The following FBXO40 variants were observed in gnomAD, a reference collection of about 807,000 sequenced individuals.
The protein encoded by FBXO40 is F-box protein 40, also known as F-box only protein 40.
In FBXO40, 50 loss-of-function variants were observed where a neutral mutation model predicts 49.9. That is an observed-to-expected ratio of 1.00 (90% CI 0.80 to 1.27). The LOEUF is 1.27. Ranked by LOEUF, FBXO40 falls within the 50% of genes most tolerant of loss-of-function variation. The pLI is 0.00. For missense variants in FBXO40, 895 were observed against 870.1 expected, an observed-to-expected ratio of 1.03 and a Z score of -0.36; for synonymous variants, 340 against 320.2, an observed-to-expected ratio of 1.06 and a Z score of -0.66.
intron 1 of FBXO40, among the ~76,000 whole-genome samples, chr3:121,606,282 T>A (rs1029144490): frequency 1.3e-5 from 2 of 152,228 alleles, no homozygotes; most frequent in African/African-American, 4.8e-5. Flanking sequence ...GACCTTCTAC[T>A]GGCTCACAAC....
At chr3:121,610,794 C>A (rs1054707110) in intron 1 of FBXO40, among the ~76,000 whole-genome samples, 5 of 152,182 alleles carry the variant, frequency 3.3e-5, no homozygotes, top group African/African-American at 1.2e-4. Flanking sequence ...GCACATGCCA[C>A]CACATACGGC....
intron 1 of FBXO40, among the ~76,000 whole-genome samples, chr3:121,618,678 G>C (rs1337261735): frequency 6.6e-6 from 1 of 151,810 alleles, no homozygotes; most frequent in African/African-American, 2.4e-5. Context: ...TTATAGGCTT[G>C]AGCCACCGCG....
chr3:121,616,047 C>T (rs1400765945), intron 1 of FBXO40, among the ~76,000 whole-genome samples: 1 of 152,122 alleles, frequency 6.6e-6, no homozygotes, highest in Non-Finnish European at 1.5e-5. Flanking sequence ...ATTTGGGGGT[C>T]GATACAAACA....
intron 1 of FBXO40, among the ~76,000 whole-genome samples, chr3:121,613,170 G>A (rs1209463113): frequency 1.6e-4 from 24 of 152,034 alleles, no homozygotes; most frequent in Admixed American, 9.8e-4. Context: ...TTCAGGATAG[G>A]TACTGCGTTC....
At chr3:121,615,720 A>C (rs868756408) in intron 1 of FBXO40, among the ~76,000 whole-genome samples, 1 of 152,222 alleles carries the variant, frequency 6.6e-6, no homozygotes, top group Non-Finnish European at 1.5e-5. Context: ...GCTCATTAAC[A>C]TTATCTTTAA....
chr3:121,601,793 C>G (rs988743342), intron 1 of FBXO40, among the ~76,000 whole-genome samples: 1 of 152,236 alleles, frequency 6.6e-6, no homozygotes, highest in African/African-American at 2.4e-5. Context: ...TTTTCCCCTT[C>G]TTTCCCACCT....
intron 1 of FBXO40, among the ~76,000 whole-genome samples, chr3:121,612,253 G>A (rs1231090648): frequency 1.3e-5 from 2 of 152,148 alleles, no homozygotes; most frequent in Non-Finnish European, 2.9e-5. Context: ...AGCTCCTGAA[G>A]ACAGCAAAGA....
chr3:121,603,013 A>G (rs1414404895), intron 1 of FBXO40, among the ~76,000 whole-genome samples: 2 of 152,240 alleles, frequency 1.3e-5, no homozygotes, highest in Non-Finnish European at 2.9e-5. Flanking sequence ...AGCCAAGATC[A>G]AGATGCCAGC....
intron 1 of FBXO40, among the ~76,000 whole-genome samples, chr3:121,604,978 T>A (rs557640191): frequency 2.4e-4 from 36 of 147,796 alleles, no homozygotes; most frequent in Admixed American, 5.4e-4. Context: ...TTATTTATTA[T>A]TTATTTATTT....
At chr3:121,620,824 G>T (rs1158835351) in intron 2 of FBXO40, among the ~76,000 whole-genome samples, 2 of 152,198 alleles carry the variant, frequency 1.3e-5, no homozygotes, top group Non-Finnish European at 2.9e-5. Flanking sequence ...CAAAAAGCCA[G>T]CAATAATCTA....
intron 1 of FBXO40, among the ~76,000 whole-genome samples, chr3:121,608,073 G>A (rs778498233): frequency 2.0e-5 from 3 of 152,126 alleles, no homozygotes; most frequent in Non-Finnish European, 2.9e-5. Context: ...CTATGTCTGG[G>A]GCTGTGGGCA....
chr3:121,597,018 T>C (rs2048876001), intron 1 of FBXO40, among the ~76,000 whole-genome samples: 1 of 152,166 alleles, frequency 6.6e-6, no homozygotes, highest in Non-Finnish European at 1.5e-5. Flanking sequence ...TCTGTTGATA[T>C]TCCGGTCAGA....
chr3:121,618,697 G>T (rs1369909166), intron 1 of FBXO40, among the ~76,000 whole-genome samples: 2 of 151,796 alleles, frequency 1.3e-5, no homozygotes, highest in Non-Finnish European at 1.5e-5. Flanking sequence ...CGCCTGGCTG[G>T]CAACTTATTT....
intron 3 of FBXO40, among the ~76,000 whole-genome samples, chr3:121,626,443 T>C (rs985167859): frequency 2.0e-5 from 3 of 151,766 alleles, no homozygotes; most frequent in African/African-American, 4.8e-5. Context: ...CAAGGGAGAG[T>C]GTGTGTCAAT....
intron 1 of FBXO40, among the ~76,000 whole-genome samples, chr3:121,607,981 A>G (rs531597692): frequency 1.3e-5 from 2 of 152,364 alleles, no homozygotes; most frequent in East Asian, 1.9e-4. Flanking sequence ...GTAATTTGTT[A>G]TCATTAACCA....
In FBXO40 at chr3:121,627,052, C is replaced by T. The variant is rs2172269; in HGVS notation, c.*142C>T. The T allele has an allele frequency of 8.5e-4, 597 of 701,392 alleles. 2 individuals carry two copies. In the African/African-American group the frequency reaches 8.7e-3, roughly 10 times the overall value. The allele number at this position is 701,392 out of a possible 1,614,324, so 43.4% of individuals were successfully genotyped here. ...GTGTATTGGAACACGCAATGTCCTT[C>T]GAAACCTCAACACGAGGCCTAAGAA... On this transcript the variant is annotated 3_prime_UTR_variant, in exon 4 of 4. Transcript: ENST00000338040.
In FBXO40 at chr3:121,622,037, T is replaced by C. The variant is rs1386190956; in HGVS notation, c.608T>C (p.Leu203Pro). The part of the protein sequence containing the change: ...AELSQEEREV[L>P]AKTKEGMDLV... ...CTAAGTCAAGAAGAACGGGAGGTGC[T>C]AGCCAAAACCAAAGAAGGGATGGAC... The change falls in exon 3 of 4, where the codon CTA (leucine) becomes CCA (proline). Residue 203 changes from leucine (L) to proline (P), a missense_variant. Coordinates refer to ENST00000338040, the MANE Select transcript of FBXO40 (RefSeq NM_016298.4). 3.1e-6 allele frequency: 5 copies of C among 1,614,042 alleles called. No homozygotes were observed. Among genetic ancestry groups the C allele is most frequent in the Non-Finnish European group, 4.2e-6 (5 of 1,180,030 alleles).
chr3:121,602,879 A>G (rs1448923483), intron 1 of FBXO40, among the ~76,000 whole-genome samples: 1 of 152,054 alleles, frequency 6.6e-6, no homozygotes, highest in Non-Finnish European at 1.5e-5. Context: ...GGACCCAAAG[A>G]TGTGTTTCCT....
At chr3:121,594,640 T>G (rs2048862161) in intron 1 of FBXO40, among the ~76,000 whole-genome samples, 1 of 152,232 alleles carries the variant, frequency 6.6e-6, no homozygotes, top group South Asian at 2.1e-4. Context: ...ACAACTGTAT[T>G]TTCTGTATAT....
Sources: gnomAD v4.1 joint callset for allele counts (sites outside exome capture counted in the v4.1 genomes callset) on GRCh38, gnomAD v4.1.1 for gene constraint, MANE v1.5 for transcripts, NCBI Gene and HGNC (gene_info 2026-07-23, HGNC 2026-07-21) for gene names.